Variants in NUP85 observed in about 807,000 individuals in gnomAD.
NUP85 encodes the protein nucleoporin 85.
Under a neutral mutation model 92.8 loss-of-function variants are expected in NUP85, and 23 were observed. The ratio of observed to expected loss-of-function variants is 0.25; its 90% CI spans 0.18 to 0.35. NUP85 has a LOEUF of 0.35. NUP85 is among the 10% of genes least tolerant of loss of function. The probability of loss-of-function intolerance (pLI) is 1.00; values close to 1 mark genes in which losing one functional copy is unlikely to be tolerated. For missense variants in NUP85, 759 were observed against 822.8 expected, an observed-to-expected ratio of 0.92 and a Z score of 0.95; for synonymous variants, 314 against 306.9, an observed-to-expected ratio of 1.02 and a Z score of -0.24.
In NUP85 at chr17:75,235,665, C is replaced by T. The variant is rs2076306207; in HGVS notation, c.1957C>T (p.Leu653=). Residue 653 remains leucine (L), a synonymous_variant, in exon 19 of 19, where the codon CTG becomes TTG. Transcript: ENST00000245544. ...TCGGGCAATTATAAGAGAAGGCTCACTGGAAGGTTCCTGAGAACTGCTTCA... is the reference window on the plus strand; with the variant it reads ...TCGGGCAATTATAAGAGAAGGCTCATTGGAAGGTTCCTGAGAACTGCTTCA... ...LARAIIREGS[L]EGS 2 of 1,613,126 alleles carry T rather than the reference C, an allele frequency of 1.2e-6. No individual in the cohort carries two copies. The highest frequency in any genetic ancestry group is 1.7e-6 in the Non-Finnish European group (2 of 1,179,022).
intron 16 of NUP85, 63 bp from the exon 17 acceptor site, chr17:75,234,574 T>C (rs1023302753): frequency 1.3e-6 from 2 of 1,570,180 alleles, no homozygotes; most frequent in Non-Finnish European, 1.7e-6. Context: ...GTGACTTTTG[T>C]AGGTGTCACT....
At chr17:75,222,433 G>T (rs1398518021) in intron 7 of NUP85, among the ~76,000 whole-genome samples, 1 of 151,430 alleles carries the variant, frequency 6.6e-6, no homozygotes, top group Non-Finnish European at 1.5e-5. Flanking sequence ...TTCAGACAAG[G>T]AAGTTTGGGC....
intron 7 of NUP85, among the ~76,000 whole-genome samples, chr17:75,218,907 C>T (rs1438027100): frequency 6.6e-6 from 1 of 152,150 alleles, no homozygotes; most frequent in African/African-American, 2.4e-5. Context: ...ACCACCATGC[C>T]TGGGTAATGA....
At chr17:75,226,212 A>AC in intron 11 of NUP85, 55 bp downstream of exon 11, 1 of 1,467,146 alleles carries the variant, frequency 6.8e-7, no homozygotes, top group Non-Finnish European at 9.5e-7. Flanking sequence ...AAATATCACC[A>AC]CCTTGCGTTT....
chr17:75,230,936 A>ATTT (rs35461721), intron 11 of NUP85, among the ~76,000 whole-genome samples: 25,508 of 143,476 alleles, frequency 0.18, 2,575 homozygotes, highest in Middle Eastern at 0.24. Flanking sequence ...TTTCTGAGCG[A>ATTT]TTTTTTTTTT....
chr17:75,228,640 G>C lies in NUP85; in HGVS notation c.1094+2483G>C, dbSNP rs1043268382. On this transcript the variant is annotated intron_variant, in intron 11 of 18. Transcript: ENST00000245544. The stretch of plus-strand genomic sequence containing the variant: ...GCACAGTTCTGGGCGGCAGGGAAGT[G>C]TGTCTCTTTCTGGACTTGAGCCAGT... 1.4e-5 allele frequency: 14 copies of C among 985,346 alleles called. No individual in the cohort carries two copies. In the South Asian group the frequency reaches 5.2e-4, roughly 36 times the overall value. 61.0% of individuals were successfully genotyped at this position (985,346 alleles called of 1,614,324 possible). A position where few individuals can be genotyped will look rare whatever the true frequency, so the allele number is the denominator to read the frequency against.
rs1160588766 is a variant in NUP85 at position 75,215,689 on chromosome 17, C to T, written c.406-65C>T. On this transcript the variant is annotated intron_variant, in intron 5 of 18. Transcript: ENST00000245544. ...CATATGAGTCAAAGTCTGCTTTATCCCTTGGCTCTGAGAGCAAAGCTCAGG... is the reference window on the plus strand; with the variant it reads ...CATATGAGTCAAAGTCTGCTTTATCTCTTGGCTCTGAGAGCAAAGCTCAGG... 3.5e-6 allele frequency: 5 copies of T among 1,437,730 alleles called. No individual in the cohort carries two copies. In the Admixed American group the frequency reaches 8.5e-5, roughly 24 times the overall value. 89.1% of individuals were successfully genotyped at this position (1,437,730 alleles called of 1,614,324 possible).
intron 7 of NUP85, among the ~76,000 whole-genome samples, chr17:75,223,754 T>A (rs2075668574): frequency 6.6e-6 from 1 of 152,164 alleles, no homozygotes; most frequent in Non-Finnish European, 1.5e-5. Context: ...ATTTAATGCA[T>A]TCTGATATTT....
intron 7 of NUP85, 47 bp downstream of exon 7, chr17:75,218,353 C>G (rs758097887): frequency 3.1e-6 from 5 of 1,607,922 alleles, no homozygotes; most frequent in Admixed American, 3.3e-5. Flanking sequence ...CCTACTGTCC[C>G]TGGTGCTGCC....
At chr17:75,227,038 A>G (rs1311825677) in intron 11 of NUP85, 2 of 195,236 alleles carry the variant, frequency 1.0e-5, no homozygotes, top group Non-Finnish European at 2.1e-5. Flanking sequence ...AGAACTCTCC[A>G]TATATGGTAA....
rs375477765 is a variant in NUP85, at chr17:75,225,244, G to A, written c.732+7G>A. ...GACAATGCCCATTCTTAGTGTACGTGGGGGTAGCTTTGCTCTGCTGGGTCA... is the reference window on the plus strand; with the variant it reads ...GACAATGCCCATTCTTAGTGTACGTAGGGGTAGCTTTGCTCTGCTGGGTCA... On this transcript the variant is annotated splice_region_variant and intron_variant, in intron 8 of 18. Coordinates refer to ENST00000245544, the MANE Select transcript of NUP85 (RefSeq NM_024844.5). 9 of 1,605,056 alleles carry A rather than the reference G, an allele frequency of 5.6e-6. No individual in the cohort carries two copies. The highest frequency in any genetic ancestry group is 1.1e-5 in the South Asian group (1 of 90,100).
At chr17:75,212,247 GTTTTTTTTTTTTT>G (rs1219393857) in intron 4 of NUP85, among the ~76,000 whole-genome samples, 185 bp downstream of exon 4, 30 of 3,672 alleles carry the variant, frequency 8.2e-3, no homozygotes, top group African/African-American at 9.3e-3. Flanking sequence ...TTTTGTTGTT[GTTTTTTTTTTTTT>G]TTTTTTTTTT....
intron 7 of NUP85, among the ~76,000 whole-genome samples, chr17:75,224,041 ATTTTG>A (rs1355396896): frequency 6.6e-6 from 1 of 151,256 alleles, no homozygotes; most frequent in Non-Finnish European, 1.5e-5. Context: ...ATTTTGTTTT[ATTTTG>A]TTTTGTTTTG....
intron 10 of NUP85, 75 bp from the exon 11 acceptor site, chr17:75,225,976 G>T: frequency 6.2e-7 from 1 of 1,601,922 alleles, no homozygotes; most frequent in Non-Finnish European, 8.5e-7. Context: ...TCTGGGGTTC[G>T]TTATACAGCA....
At chr17:75,210,248 G>A (rs900028314) in intron 3 of NUP85, among the ~76,000 whole-genome samples, 3 of 152,096 alleles carry the variant, frequency 2.0e-5, no homozygotes, top group African/African-American at 7.2e-5. Flanking sequence ...GAAAATTTAG[G>A]CCACACAAGC....
rs1432469922 is a variant in NUP85 at position 75,218,285 on chromosome 17, A to C, written c.576A>C (p.Lys192Asn). ...ADVLGSENPS[K>N]HDSFWNLVTI... ...TTCTGGGCAGTGAGAATCCAAGCAA[A>C]CATGACAGCTTCTGGAACTTGGTAA... Residue 192 changes from lysine to asparagine, a missense_variant, in exon 7 of 19, where the codon AAA (lysine) becomes AAC (asparagine). Coordinates refer to ENST00000245544, the MANE Select transcript of NUP85 (RefSeq NM_024844.5). 5.0e-6 allele frequency: 8 copies of C among 1,613,706 alleles called. 1 individual carries two copies. The East Asian group carries it at 1.6e-4, about 31-fold the overall frequency.
intron 3 of NUP85, among the ~76,000 whole-genome samples, chr17:75,211,316 T>C (rs2075252664): frequency 6.6e-6 from 1 of 151,844 alleles, no homozygotes; most frequent in South Asian, 2.1e-4. Context: ...TTATTGGATT[T>C]AAGGGACTCT....
rs148274209 is a variant in NUP85, at chr17:75,229,277, A to T, written c.1095-2063A>T. On this transcript the variant is annotated intron_variant, in intron 11 of 18. Transcript: ENST00000245544. ...ACAAACCTCACACCCCATTTCCAGA[A>T]TAGCAGGTAGAGGCACTGGAGCTTT... The T allele has an allele frequency of 2.2e-4, 119 of 546,228 alleles. 2 individuals carry two copies. In the East Asian group the frequency reaches 0.016, roughly 73 times the overall value. 33.8% of individuals were successfully genotyped at this position (546,228 alleles called of 1,614,324 possible).
At chr17:75,207,917 C>T (rs1288409392) in intron 1 of NUP85, among the ~76,000 whole-genome samples, 2 of 151,958 alleles carry the variant, frequency 1.3e-5, no homozygotes, top group African/African-American at 4.8e-5. Flanking sequence ...TTGAACCCAG[C>T]AGGCAGAGGT....
Sources: allele counts gnomAD v4.1 joint callset (sites outside exome capture counted in the v4.1 genomes callset), GRCh38; gene constraint gnomAD v4.1.1; transcripts MANE v1.5; gene names NCBI Gene and HGNC (gene_info 2026-07-23, HGNC 2026-07-21).